MTUS2: variants seen among roughly 807,000 people sequenced by gnomAD.
MTUS2 encodes microtubule-associated tumor suppressor candidate 2.
Under a neutral mutation model 114.1 loss-of-function variants are expected in MTUS2, and 40 were observed. That is an observed-to-expected ratio of 0.35 (90% confidence interval 0.27 to 0.46). MTUS2 has a LOEUF of 0.46. Ranked by LOEUF, MTUS2 falls within the 20% of genes least tolerant of loss-of-function variation. The pLI, the probability that MTUS2 is intolerant of heterozygous loss-of-function variation, is 1.00. For missense variants in MTUS2, 1,679 were observed against 1,705.4 expected (o/e 0.98, Z 0.27); for synonymous variants, 688 against 672.0 (o/e 1.02, Z -0.37).
At chr13:28,824,214 TC>T (rs113769399) in intron 1 of MTUS2, among the ~76,000 whole-genome samples, 11,522 of 152,248 alleles carry the variant, frequency 0.076, 805 homozygotes, top group African/African-American at 0.18. Context: ...CCCCTGACTT[TC>T]ATTTTGTTAG....
At chr13:29,241,101 C>T (rs556181576) in intron 5 of MTUS2, among the ~76,000 whole-genome samples, 1 of 152,040 alleles carries the variant, frequency 6.6e-6, no homozygotes, top group African/African-American at 2.4e-5. Context: ...ACATACTGCC[C>T]TAATGTGAAA....
chr13:28,915,725 A>G (rs1880709050), intron 2 of MTUS2, among the ~76,000 whole-genome samples: 1 of 151,854 alleles, frequency 6.6e-6, no homozygotes, highest in African/African-American at 2.4e-5. Context: ...TGGTTTACAC[A>G]TATTTTTCTC....
intron 5 of MTUS2, among the ~76,000 whole-genome samples, chr13:29,152,340 T>A (rs1413524707): frequency 6.6e-6 from 1 of 152,176 alleles, no homozygotes; most frequent in East Asian, 1.9e-4. Flanking sequence ...CCTGTTAGAT[T>A]TAGGAGACTA....
At chr13:29,336,376 T>C (rs924741341) in intron 7 of MTUS2, among the ~76,000 whole-genome samples, 4 of 152,222 alleles carry the variant, frequency 2.6e-5, no homozygotes, top group African/African-American at 9.7e-5. Context: ...TGTTGTTAGT[T>C]TTCCTTCTAA....
At chr13:29,237,460 C>T (rs530531406) in intron 5 of MTUS2, among the ~76,000 whole-genome samples, 21 of 152,278 alleles carry the variant, frequency 1.4e-4, no homozygotes, top group African/African-American at 4.6e-4. Flanking sequence ...TCACGCTTCT[C>T]TGCTGCTTCT....
At chr13:28,868,643 T>G (rs1877439903) in intron 2 of MTUS2, among the ~76,000 whole-genome samples, 1 of 152,176 alleles carries the variant, frequency 6.6e-6, no homozygotes, top group Non-Finnish European at 1.5e-5. Context: ...AATCCAGTGG[T>G]TTTAAAATAG....
intron 2 of MTUS2, among the ~76,000 whole-genome samples, chr13:28,888,419 C>CTT (rs11447851): frequency 0.027 from 3,702 of 135,738 alleles, 70 homozygotes; most frequent in Middle Eastern, 0.059. Context: ...CTCTTGGCAT[C>CTT]TTTTTTTTTT....
intron 5 of MTUS2, among the ~76,000 whole-genome samples, chr13:29,136,770 C>G (rs192291716): frequency 3.0e-4 from 45 of 152,286 alleles, no homozygotes; most frequent in African/African-American, 1.0e-3. Flanking sequence ...TTGTGAGCCA[C>G]TCTAATTTGT....
chr13:28,901,941 G>C (rs1429725738), intron 2 of MTUS2, among the ~76,000 whole-genome samples: 2 of 152,106 alleles, frequency 1.3e-5, no homozygotes, highest in Non-Finnish European at 2.9e-5. Context: ...GAGAATAATT[G>C]ACATCTTTAC....
intron 1 of MTUS2, among the ~76,000 whole-genome samples, chr13:28,825,257 G>T (rs963416178): frequency 5.9e-5 from 9 of 152,162 alleles, no homozygotes; most frequent in African/African-American, 1.2e-4. Flanking sequence ...TGTTTTCAAT[G>T]ATGGCTCCCA....
chr13:29,291,671 G>A (rs4769709), intron 6 of MTUS2, among the ~76,000 whole-genome samples: 55,463 of 151,964 alleles, frequency 0.36, 10,796 homozygotes, highest in Admixed American at 0.45. Flanking sequence ...GGGCTCGCTC[G>A]TTTAGAATAT....
intron 8 of MTUS2, among the ~76,000 whole-genome samples, chr13:29,382,020 C>T (rs1351201570): frequency 6.6e-6 from 1 of 152,168 alleles, no homozygotes; most frequent in East Asian, 1.9e-4. Flanking sequence ...GAGAGCAGAA[C>T]ACGCATGCTC....
intron 6 of MTUS2, among the ~76,000 whole-genome samples, chr13:29,312,837 G>C (rs929570716): frequency 6.6e-6 from 1 of 152,104 alleles, no homozygotes; most frequent in Non-Finnish European, 1.5e-5. Context: ...AGTATGTACA[G>C]GGATTTCTCA....
chr13:29,233,056 G>A (rs1230453818), intron 5 of MTUS2, among the ~76,000 whole-genome samples: 1 of 152,180 alleles, frequency 6.6e-6, no homozygotes, highest in East Asian at 1.9e-4. Flanking sequence ...TCATGTGAAA[G>A]CAGAGTTAGT....
intron 2 of MTUS2, among the ~76,000 whole-genome samples, chr13:28,869,101 A>G (rs1278973467): frequency 1.3e-5 from 2 of 152,226 alleles, no homozygotes; most frequent in African/African-American, 4.8e-5. Flanking sequence ...GGTTGATTTG[A>G]TAATCTGCAC....
chr13:29,364,772 G>A (rs1350717630), intron 8 of MTUS2, among the ~76,000 whole-genome samples: 1 of 152,234 alleles, frequency 6.6e-6, no homozygotes, highest in Non-Finnish European at 1.5e-5. Flanking sequence ...AGCTCTCAGA[G>A]CAGTAATTAT....
intron 8 of MTUS2, among the ~76,000 whole-genome samples, chr13:29,426,160 T>G (rs1366631692): frequency 6.6e-6 from 1 of 152,222 alleles, no homozygotes. Context: ...AGGAGCTGTT[T>G]GCCTCCGGAT....
intron 11 of MTUS2, among the ~76,000 whole-genome samples, chr13:29,489,087 C>G (rs1160235515): frequency 6.6e-6 from 1 of 152,130 alleles, no homozygotes; most frequent in East Asian, 1.9e-4. Context: ...GAGTTCAAGA[C>G]CAGCCTGGCA....
chr13:29,315,053 A>G (rs1412063944), intron 6 of MTUS2, among the ~76,000 whole-genome samples: 1 of 152,234 alleles, frequency 6.6e-6, no homozygotes, highest in African/African-American at 2.4e-5. Flanking sequence ...CATTATGTTA[A>G]GTGAAATAAG....
Sources: allele counts gnomAD v4.1 joint callset (sites outside exome capture counted in the v4.1 genomes callset), GRCh38; gene constraint gnomAD v4.1.1; transcripts MANE v1.5; gene names NCBI Gene and HGNC (gene_info 2026-07-23, HGNC 2026-07-21).